KIAA1671: variants seen among roughly 807,000 people sequenced by gnomAD.
The protein encoded by KIAA1671 is KIAA1671, also known as uncharacterized protein KIAA1671.
In KIAA1671, 52 loss-of-function variants were observed where a neutral mutation model predicts 131.2. That is an observed-to-expected ratio of 0.40 (90% CI 0.32 to 0.50). The LOEUF is 0.50. Among genes scored for constraint, KIAA1671 ranks in the 20% least tolerant of loss-of-function variants. The pLI, the probability that KIAA1671 is intolerant of heterozygous loss-of-function variation, is 0.73. For synonymous variants in KIAA1671, 1,003 were observed against 961.6 expected, an observed-to-expected ratio of 1.04 and a Z score of -0.80; for missense variants, 2,360 against 2,364.2, an observed-to-expected ratio of 1.00 and a Z score of 0.04.
rs139681959 is a variant in KIAA1671 at position 25,173,590 on chromosome 22, C to T, written c.4650-650C>T. 5.5e-3 allele frequency among the ~76,000 whole-genome samples: 842 copies of T among 152,150 alleles called. 4 individuals are homozygous for T. The highest frequency in any genetic ancestry group is 0.01 in the Admixed American group (157 of 15,278). On this transcript the variant is annotated intron_variant, in intron 7 of 12. Coordinates refer to ENST00000358431, the MANE Select transcript of KIAA1671 (RefSeq NM_001145206.2). ...TGTATTGAAACACCACTCTGTACCC[C>T]GGAAACGTGTAATTACTATGTATCG...
intron 6 of KIAA1671, among the ~76,000 whole-genome samples, chr22:25,117,603 A>T (rs957203822): frequency 1.3e-5 from 2 of 149,956 alleles, no homozygotes; most frequent in Non-Finnish European, 3.0e-5. Flanking sequence ...ACACACACAC[A>T]CACACACACA....
intron 6 of KIAA1671, among the ~76,000 whole-genome samples, chr22:25,113,341 A>G (rs5760862): frequency 0.77 from 116,597 of 152,186 alleles, 45,759 homozygotes; most frequent in African/African-American, 0.94. Context: ...CACTGACCAG[A>G]CCTGAGCCTA....
chr22:25,093,816 C>CTCTG (rs1930235512), intron 6 of KIAA1671, among the ~76,000 whole-genome samples: 2 of 93,094 alleles, frequency 2.1e-5, no homozygotes, highest in Non-Finnish European at 4.3e-5. Context: ...CTCTCTGTCT[C>CTCTG]TCTCTCTTTC....
At chr22:25,043,456 T>C (rs1927056940) in intron 5 of KIAA1671, among the ~76,000 whole-genome samples, 1 of 152,136 alleles carries the variant, frequency 6.6e-6, no homozygotes, top group South Asian at 2.1e-4. Flanking sequence ...ACAAAACTGG[T>C]ATTTGAACCC....
rs1260611362 is a variant in KIAA1671, at chr22:25,028,203, C to A, written c.204C>A (p.Pro68=). The A allele has an allele frequency of 4.5e-6, 7 of 1,551,040 alleles. No individual in the cohort carries two copies. The highest frequency in any genetic ancestry group is 5.2e-6 in the Non-Finnish European group (6 of 1,146,634). The part of the protein sequence containing the change: ...ARLLPLPRLA[P]KPFSKEQDVK... ...TACTCCCTCTGCCAAGGCTCGCCCC[C>A]AAACCCTTCTCGAAGGAGCAGGACG... Residue 68 remains proline, a synonymous_variant, in exon 3 of 13, where the codon CCC becomes CCA. Coordinates refer to ENST00000358431, the MANE Select transcript of KIAA1671 (RefSeq NM_001145206.2).
chr22:25,090,653 C>T (rs1929983944), intron 6 of KIAA1671, among the ~76,000 whole-genome samples: 1 of 152,232 alleles, frequency 6.6e-6, no homozygotes, highest in African/African-American at 2.4e-5. Flanking sequence ...TGGGTGCTTG[C>T]TGCATATCAG....
At chr22:25,090,532 A>G (rs1245535657) in intron 6 of KIAA1671, among the ~76,000 whole-genome samples, 2 of 152,258 alleles carry the variant, frequency 1.3e-5, no homozygotes, top group African/African-American at 4.8e-5. Context: ...GAACATAGGC[A>G]GTCCTTTGGG....
intron 6 of KIAA1671, among the ~76,000 whole-genome samples, chr22:25,079,140 C>T (rs1929263310): frequency 6.6e-6 from 1 of 152,100 alleles, no homozygotes; most frequent in Non-Finnish European, 1.5e-5. Flanking sequence ...GATGTGTCCT[C>T]AGTTCAGTTC....
At chr22:25,167,227 T>C (rs1306025606) in intron 6 of KIAA1671, among the ~76,000 whole-genome samples, 1 of 152,202 alleles carries the variant, frequency 6.6e-6, no homozygotes, top group Non-Finnish European at 1.5e-5. Flanking sequence ...CTAACAGCTA[T>C]CCCTATGTGC....
chr22:25,144,905 T>C (rs1357203708), intron 6 of KIAA1671, among the ~76,000 whole-genome samples: 1 of 152,230 alleles, frequency 6.6e-6, no homozygotes, highest in African/African-American at 2.4e-5. Flanking sequence ...TATTATCTGA[T>C]GTTTCCATGC....
At chr22:25,159,053 G>T (rs960286014) in intron 6 of KIAA1671, among the ~76,000 whole-genome samples, 3 of 152,126 alleles carry the variant, frequency 2.0e-5, no homozygotes, top group African/African-American at 7.2e-5. Flanking sequence ...AGGCTCTAGG[G>T]TGCCCACTGG....
chr22:25,138,717 C>T (rs9612874), intron 6 of KIAA1671, among the ~76,000 whole-genome samples: 17,419 of 152,218 alleles, frequency 0.11, 1,108 homozygotes, highest in South Asian at 0.19. Flanking sequence ...AAAACAAAAA[C>T]AAAACATCAA....
chr22:25,036,097 A>G (rs1926579320), intron 4 of KIAA1671, among the ~76,000 whole-genome samples: 1 of 151,932 alleles, frequency 6.6e-6, no homozygotes, highest in African/African-American at 2.4e-5. Context: ...TTATTTTTTT[A>G]GAGATGGAAT....
chr22:25,041,544 T>C lies in KIAA1671; in HGVS notation c.4395+19T>C. The C allele has an allele frequency of 6.0e-6, 9 of 1,498,090 alleles. No individual in the cohort carries two copies. The highest frequency in any genetic ancestry group is 5.3e-6 in the Non-Finnish European group (6 of 1,123,514). 92.8% of individuals were successfully genotyped at this position (1,498,090 alleles called of 1,614,324 possible). A position where few individuals can be genotyped will look rare whatever the true frequency, so the allele number is the denominator to read the frequency against. ...TCACAAGGTAAGTACCGAGACACTTTTTAATTTTGTCAAACATGGTTTAAA... is the reference window on the plus strand; with the variant it reads ...TCACAAGGTAAGTACCGAGACACTTCTTAATTTTGTCAAACATGGTTTAAA... On this transcript the variant is annotated intron_variant, in intron 5 of 12. Transcript: ENST00000358431.
At chr22:25,185,586 G>C (rs1323376715) in intron 11 of KIAA1671, 1 of 160,824 alleles carries the variant, frequency 6.2e-6, no homozygotes, top group African/African-American at 2.4e-5. Flanking sequence ...CCGATCCTGG[G>C]CTGTTCTGTG....
chr22:25,004,116 CA>C (rs747875953), intron 1 of KIAA1671, among the ~76,000 whole-genome samples: 1 of 143,984 alleles, frequency 6.9e-6, no homozygotes, highest in Non-Finnish European at 1.6e-5. Flanking sequence ...TGTGCCCGGC[CA>C]TTTTTTTTTT....
At chr22:25,105,726 C>T (rs140020646) in intron 6 of KIAA1671, among the ~76,000 whole-genome samples, 174 of 152,098 alleles carry the variant, frequency 1.1e-3, no homozygotes, top group Middle Eastern at 6.9e-3. Context: ...GATGATCCCA[C>T]CTGCCATTTG....
chr22:25,039,601 G>T lies in KIAA1671; in HGVS notation c.2471G>T (p.Gly824Val). 1.3e-6 allele frequency: 2 copies of T among 1,551,664 alleles called. No homozygotes were observed. The highest frequency in any genetic ancestry group is 1.7e-6 in the Non-Finnish European group (2 of 1,146,946). The part of the protein sequence containing the change: ...GGNCPFPKWT[G>V]GAVVSSHKAT... The stretch of plus-strand genomic sequence containing the variant: ...AATTGCCCGTTTCCCAAATGGACAG[G>T]CGGGGCAGTGGTGAGCTCGCACAAA... The change falls in exon 5 of 13, where the codon GGC becomes GTC. Residue 824 changes from glycine (G) to valine (V), a missense_variant. Gly to Val is a moderately radical substitution (Grantham distance 109). Around this residue, in one of 3 missense-constraint regions of KIAA1671, gnomAD observed 1,185 missense variants for 1,126.2 expected, o/e 1.05. Coordinates refer to ENST00000358431, the MANE Select transcript of KIAA1671 (RefSeq NM_001145206.2).
rs957222503 is a variant in KIAA1671, at chr22:24,952,782, G to T, written c.-208+10G>T. 1.3e-5 allele frequency: 2 copies of T among 153,288 alleles called. No homozygotes were observed. Among genetic ancestry groups the T allele is most frequent in the African/African-American group, 4.8e-5 (2 of 41,418 alleles). 9.5% of individuals were successfully genotyped at this position (153,288 alleles called of 1,614,324 possible). A position where few individuals can be genotyped will look rare whatever the true frequency, so the allele number is the denominator to read the frequency against. On this transcript the variant is annotated intron_variant, in intron 1 of 12. Coordinates refer to ENST00000358431, the MANE Select transcript of KIAA1671 (RefSeq NM_001145206.2). This position sits in a 1 kb window ranked among gnomAD's most constrained non-coding sequence, Gnocchi z 4.5. ...TGGCGGTGGCTCCACGGTAGGTTGC[G>T]CAGCGGCTGCGGGCAGTGGGGGCCG...
Sources: gnomAD v4.1 joint callset for allele counts (sites outside exome capture counted in the v4.1 genomes callset) on GRCh38, gnomAD v4.1.1 for gene constraint, gnomAD v4.1.1 regional missense constraint, Gnocchi (gnomAD v3.1) non-coding constraint, MANE v1.5 for transcripts, NCBI Gene and HGNC (gene_info 2026-07-23, HGNC 2026-07-21) for gene names.